The following OR2C1 variants were observed in gnomAD, a reference collection of about 807,000 sequenced individuals.
The protein encoded by OR2C1 is olfactory receptor 2C1.
For synonymous variants in OR2C1, 209 were observed against 167.3 expected (o/e 1.25, Z -1.92); for missense variants, 468 against 388.3 (o/e 1.21, Z -1.73).
the OR2C1 span, among the ~76,000 whole-genome samples, chr16:3,350,372 TTTGGTTGG>T: frequency 2.7e-5 from 4 of 146,304 alleles, no homozygotes; most frequent in African/African-American, 1.0e-4. Flanking sequence ...AAATTTTTTG[TTTGGTTGG>T]TTGGTTGGTT....
the OR2C1 span, among the ~76,000 whole-genome samples, chr16:3,329,200 A>C: frequency 2.6e-5 from 4 of 150,964 alleles, no homozygotes; most frequent in Admixed American, 6.6e-5. Context: ...ACACACACAC[A>C]CACACACACA....
At chr16:3,332,435 A>G in the OR2C1 span, among the ~76,000 whole-genome samples, 1 of 151,748 alleles carries the variant, frequency 6.6e-6, no homozygotes, top group Non-Finnish European at 1.5e-5. Flanking sequence ...CACCTTAGTG[A>G]CCTATTGAAC....
the OR2C1 span, among the ~76,000 whole-genome samples, chr16:3,333,200 A>T: frequency 2.5e-3 from 85 of 33,606 alleles, 1 homozygote; most frequent in African/African-American, 6.4e-3. Context: ...GTGTATTCGG[A>T]TCTTTTGCCC....
the OR2C1 span, among the ~76,000 whole-genome samples, chr16:3,343,679 C>A: frequency 6.6e-6 from 1 of 152,048 alleles, no homozygotes; most frequent in African/African-American, 2.4e-5. Context: ...TTGAACTCAG[C>A]GGGCAGAAGT....
At chr16:3,345,383 G>A in the OR2C1 span, among the ~76,000 whole-genome samples, 3 of 151,992 alleles carry the variant, frequency 2.0e-5, no homozygotes, top group Non-Finnish European at 4.4e-5. Flanking sequence ...CTACTCGGGA[G>A]GCTGAGGCAG....
At chr16:3,353,769 C>G (rs1359958377), upstream of OR2C1, among the ~76,000 whole-genome samples, 2 of 151,794 alleles carry the variant, frequency 1.3e-5, no homozygotes, top group Non-Finnish European at 2.9e-5. Context: ...CCACTGCACT[C>G]CAGCCTGGGT....
chr16:3,338,447 A>C, the OR2C1 span, among the ~76,000 whole-genome samples: 2 of 151,608 alleles, frequency 1.3e-5, no homozygotes, highest in Admixed American at 6.6e-5. Flanking sequence ...GGTGCTGGGC[A>C]GATTGGGGGA....
At chr16:3,353,951 T>TTTTGTTTG (rs995672370), upstream of OR2C1, among the ~76,000 whole-genome samples, 1 of 151,182 alleles carries the variant, frequency 6.6e-6, no homozygotes, top group African/African-American at 2.5e-5. Flanking sequence ...GAGATGGGTT[T>TTTTGTTTG]TTTGTTTGTT....
upstream of OR2C1, among the ~76,000 whole-genome samples, chr16:3,353,262 C>G (rs917868800): frequency 1.3e-5 from 2 of 150,746 alleles, no homozygotes; most frequent in East Asian, 4.0e-4. Context: ...GAGGCTGAGG[C>G]GGGCAGATCA....
chr16:3,337,498 C>T, the OR2C1 span, among the ~76,000 whole-genome samples: 1 of 151,994 alleles, frequency 6.6e-6, no homozygotes, highest in African/African-American at 2.4e-5. Context: ...TAGCCTGTCT[C>T]TCCTCTGCTT....
At chr16:3,347,833 CACAT>C in the OR2C1 span, among the ~76,000 whole-genome samples, 65,716 of 149,996 alleles carry the variant, frequency 0.44, 16,160 homozygotes, top group East Asian at 0.68. Flanking sequence ...CACATGCACA[CACAT>C]ACACACATGC....
chr16:3,336,087 T>A, the OR2C1 span, among the ~76,000 whole-genome samples: 3 of 152,194 alleles, frequency 2.0e-5, no homozygotes, highest in African/African-American at 7.2e-5. Context: ...TTTTGAGGTG[T>A]ATGCCTTCTA....
chr16:3,349,175 T>C, the OR2C1 span, among the ~76,000 whole-genome samples: 1 of 152,140 alleles, frequency 6.6e-6, no homozygotes, highest in East Asian at 1.9e-4. Flanking sequence ...CACAGCACCT[T>C]GAAAAGAATA....
Position 3,356,809 on chromosome 16 carries a change from A to T in OR2C1, c.869A>T (p.Tyr290Phe). ...ACACCCATGGTGAATCCCCTCATCT[A>T]CACGCTGCGGAACATGGAAGTGAAG... Reference protein sequence around the residue: ...LVTPMVNPLIYTLRNMEVKGA... With the variant: ...LVTPMVNPLIFTLRNMEVKGA... The change falls in exon 1 of 1, where the codon TAC becomes TTC. Residue 290 changes from tyrosine to phenylalanine, a missense_variant. Physicochemically the swap from Tyr to Phe is conservative, Grantham distance 22. Coordinates refer to ENST00000304936, the MANE Select transcript of OR2C1 (RefSeq NM_012368.3). 1 of 1,614,112 alleles carries T rather than the reference A, an allele frequency of 6.2e-7. No homozygotes were observed. The highest frequency in any genetic ancestry group is 8.5e-7 in the Non-Finnish European group (1 of 1,179,982).
chr16:3,323,446 G>C, the OR2C1 span: 1 of 744,078 alleles, frequency 1.3e-6, no homozygotes, highest in Non-Finnish European at 2.4e-6. Flanking sequence ...TGTTCTTATT[G>C]ACCTTGGCTT....
chr16:3,334,355 C>T, the OR2C1 span, among the ~76,000 whole-genome samples: 9 of 151,346 alleles, frequency 5.9e-5, no homozygotes, highest in African/African-American at 2.2e-4. Context: ...CCAGGATGGT[C>T]TCGATCTCTT....
chr16:3,330,437 G>GC, the OR2C1 span, among the ~76,000 whole-genome samples: 1 of 152,124 alleles, frequency 6.6e-6, no homozygotes, highest in Non-Finnish European at 1.5e-5. Context: ...TTTTTCTAAA[G>GC]CTACATTAAT....
In OR2C1 at chr16:3,356,518, G is replaced by A; in HGVS notation, c.578G>A (p.Ser193Asn). 2 of 1,614,126 alleles carry A rather than the reference G, an allele frequency of 1.2e-6. No homozygotes were observed. The highest frequency in any genetic ancestry group is 1.7e-6 in the Non-Finnish European group (2 of 1,180,046). ...ATCAAACTGGCCTGTGGCGACACAA[G>A]TCTCAACCAGGCTGTGCTCAATGGT... ...AMIKLACGDTSLNQAVLNGVC... is the reference protein window; with the variant it reads ...AMIKLACGDTNLNQAVLNGVC... The change falls in exon 1 of 1, where the codon AGT (serine) becomes AAT (asparagine). Residue 193 changes from serine (S) to asparagine (N), a missense_variant. Physicochemically the swap from Ser to Asn is conservative, Grantham distance 46. Transcript: ENST00000304936.
At position 3,356,670 on chromosome 16, in the gene OR2C1, C is replaced by T. The variant is rs978878004; in HGVS notation, c.730C>T (p.His244Tyr). ...RRKAFNTCLSHLLVVFLFYGS... is the reference protein window; with the variant it reads ...RRKAFNTCLSYLLVVFLFYGS... The stretch of plus-strand genomic sequence containing the variant: ...AAAGGCGTTCAATACGTGCCTCTCC[C>T]ATCTGCTGGTGGTGTTCCTCTTCTA... Residue 244 changes from histidine (H) to tyrosine (Y), a missense_variant, in exon 1 of 1, where the codon CAT (histidine) becomes TAT (tyrosine). Coordinates refer to ENST00000304936, the MANE Select transcript of OR2C1 (RefSeq NM_012368.3). 9.3e-6 allele frequency: 15 copies of T among 1,614,058 alleles called. No homozygotes were observed. The highest frequency in any genetic ancestry group is 1.3e-5 in the African/African-American group (1 of 74,918).
Sources: allele counts gnomAD v4.1 joint callset (sites outside exome capture counted in the v4.1 genomes callset), GRCh38; gene constraint gnomAD v4.1.1; transcripts MANE v1.5; gene names NCBI Gene and HGNC (gene_info 2026-07-23, HGNC 2026-07-21).